Variants in SLCO1A2 observed in about 807,000 individuals in gnomAD.
SLCO1A2 encodes the protein solute carrier organic anion transporter family member 1A2.
In SLCO1A2, 67 loss-of-function variants were observed where a neutral mutation model predicts 69.0. The ratio of observed to expected loss-of-function variants is 0.97; its 90% CI spans 0.80 to 1.19. SLCO1A2 has a LOEUF of 1.19. Among genes scored for constraint, SLCO1A2 ranks in the 50% most tolerant of loss-of-function variants. The pLI, the probability that SLCO1A2 is intolerant of heterozygous loss-of-function variation, is 0.00. For missense variants in SLCO1A2, 787 were observed against 793.7 expected (o/e 0.99, Z 0.10); for synonymous variants, 260 against 265.9 (o/e 0.98, Z 0.22).
At chr12:21,381,400 A>G (rs1391636596) in intron 1 of SLCO1A2, among the ~76,000 whole-genome samples, 1 of 152,242 alleles carries the variant, frequency 6.6e-6, no homozygotes, top group Non-Finnish European at 1.5e-5. Context: ...CAAATGGCCA[A>G]CAAACATGAA....
At chr12:21,406,363 A>G (rs947199739) in intron 1 of SLCO1A2, among the ~76,000 whole-genome samples, 1 of 152,174 alleles carries the variant, frequency 6.6e-6, no homozygotes, top group Non-Finnish European at 1.5e-5. Flanking sequence ...ACAGACAGAA[A>G]AACATCTGCC....
chr12:21,313,709 T>G (rs1950500490), intron 4 of SLCO1A2, among the ~76,000 whole-genome samples: 1 of 152,016 alleles, frequency 6.6e-6, no homozygotes, highest in African/African-American at 2.4e-5. Flanking sequence ...TGAGTGAGAC[T>G]GTCTCAACAA....
intron 1 of SLCO1A2, among the ~76,000 whole-genome samples, chr12:21,376,709 G>A (rs1279239897): frequency 1.3e-5 from 2 of 151,864 alleles, no homozygotes; most frequent in Non-Finnish European, 2.9e-5. Flanking sequence ...TTACTCTTAG[G>A]CTATCTCTAC....
chr12:21,293,581 G>A (rs28504595), intron 11 of SLCO1A2, among the ~76,000 whole-genome samples: 24 of 150,304 alleles, frequency 1.6e-4, no homozygotes, highest in Admixed American at 1.1e-3. Flanking sequence ...ATATATATGT[G>A]TGTATATATA....
intron 1 of SLCO1A2, among the ~76,000 whole-genome samples, chr12:21,393,109 C>A (rs1462959932): frequency 6.6e-6 from 1 of 152,068 alleles, no homozygotes; most frequent in Non-Finnish European, 1.5e-5. Context: ...TGGCCAAATA[C>A]CTTAGGTTTT....
intron 2 of SLCO1A2, among the ~76,000 whole-genome samples, chr12:21,359,741 C>T (rs1220731611): frequency 2.2e-5 from 3 of 134,316 alleles, no homozygotes; most frequent in Admixed American, 7.2e-5. Flanking sequence ...AGCGAGACTC[C>T]GTCTTAAAAA....
chr12:21,308,496 G>A (rs149313999), intron 4 of SLCO1A2, among the ~76,000 whole-genome samples: 94 of 152,188 alleles, frequency 6.2e-4, no homozygotes, highest in African/African-American at 2.1e-3. Context: ...GTTTGTTTAA[G>A]AAACATTCAA....
At chr12:21,374,208 TTAGAG>T (rs1453171325) in intron 2 of SLCO1A2, among the ~76,000 whole-genome samples, 4 of 152,210 alleles carry the variant, frequency 2.6e-5, no homozygotes, top group African/African-American at 4.8e-5. Flanking sequence ...CGTAAAACTC[TTAGAG>T]TAGTTAAAAT....
At chr12:21,282,813 A>C (rs11537394) in intron 12 of SLCO1A2, among the ~76,000 whole-genome samples, 1 of 152,054 alleles carries the variant, frequency 6.6e-6, no homozygotes, top group Non-Finnish European at 1.5e-5. Flanking sequence ...TCTAAAAAAA[A>C]GTAATTCTAT....
chr12:21,346,527 A>T (rs1380172212), intron 2 of SLCO1A2, among the ~76,000 whole-genome samples: 2 of 152,176 alleles, frequency 1.3e-5, no homozygotes, highest in Non-Finnish European at 1.5e-5. Context: ...TTAGCAAAAA[A>T]AAAAAACATA....
intron 2 of SLCO1A2, among the ~76,000 whole-genome samples, chr12:21,349,769 G>A (rs1435647122): frequency 1.3e-5 from 2 of 152,096 alleles, no homozygotes; most frequent in Admixed American, 1.3e-4. Context: ...TCCCTGCATT[G>A]CCCTCCTTTC....
intron 2 of SLCO1A2, among the ~76,000 whole-genome samples, chr12:21,329,241 T>G (rs1039719437): frequency 1.7e-4 from 26 of 152,212 alleles, no homozygotes; most frequent in Non-Finnish European, 3.5e-4. Context: ...ACAATTACTT[T>G]GCATTATACC....
At chr12:21,338,805 C>A (rs1001933477), upstream of SLCO1A2, among the ~76,000 whole-genome samples, 1 of 151,310 alleles carries the variant, frequency 6.6e-6, no homozygotes, top group Non-Finnish European at 1.5e-5. Context: ...AGAGACAAGA[C>A]TTTATCTGTT....
At chr12:21,317,561 A>G (rs1403888678) in intron 3 of SLCO1A2, among the ~76,000 whole-genome samples, 1 of 152,138 alleles carries the variant, frequency 6.6e-6, no homozygotes, top group Non-Finnish European at 1.5e-5. Flanking sequence ...TATTATCTGC[A>G]TCTCTACCTT....
At chr12:21,384,385 G>A (rs1442239208) in intron 1 of SLCO1A2, among the ~76,000 whole-genome samples, 2 of 152,224 alleles carry the variant, frequency 1.3e-5, no homozygotes, top group African/African-American at 2.4e-5. Context: ...AACTTGTACC[G>A]CACAACCACA....
intron 1 of SLCO1A2, among the ~76,000 whole-genome samples, chr12:21,390,176 T>G (rs551993682): frequency 1.3e-5 from 2 of 152,070 alleles, no homozygotes; most frequent in Non-Finnish European, 2.9e-5. Flanking sequence ...CATTACCAAC[T>G]ATTTACTGCT....
In SLCO1A2 at chr12:21,300,543, T is replaced by A; in HGVS notation, c.715A>T (p.Thr239Ser). The A allele has an allele frequency of 6.2e-7, 1 of 1,611,954 alleles. No homozygotes were observed. The highest frequency in any genetic ancestry group is 8.5e-7 in the Non-Finnish European group (1 of 1,179,098). Residue 239 changes from threonine to serine, a missense_variant, in exon 8 of 15, where the codon ACT becomes TCT. Transcript: ENST00000683939. Reference sequence around the variant, plus strand: ...AACCACCATGCACCGACCCAACGAGTGTCAGTGGGAGTTATGATCAGATCA... The same window carrying A: ...AACCACCATGCACCGACCCAACGAGAGTCAGTGGGAGTTATGATCAGATCA... Reference protein sequence around the residue: ...TDDLIITPTDTRWVGAWWFGF... With the variant: ...TDDLIITPTDSRWVGAWWFGF...
At chr12:21,318,292 T>C (rs1412459656) in intron 3 of SLCO1A2, among the ~76,000 whole-genome samples, 1 of 151,978 alleles carries the variant, frequency 6.6e-6, no homozygotes, top group African/African-American at 2.4e-5. Context: ...CCAATTTGTT[T>C]GTATTTCTAG....
At chr12:21,392,819 A>G (rs1941229169) in intron 1 of SLCO1A2, among the ~76,000 whole-genome samples, 1 of 152,212 alleles carries the variant, frequency 6.6e-6, no homozygotes, top group Non-Finnish European at 1.5e-5. Context: ...TAGTTTTAAG[A>G]GAAGTCACTT....
Sources: allele counts gnomAD v4.1 joint callset (sites outside exome capture counted in the v4.1 genomes callset), GRCh38; gene constraint gnomAD v4.1.1; transcripts MANE v1.5; gene names NCBI Gene and HGNC (gene_info 2026-07-23, HGNC 2026-07-21).